Variants in COL21A1 observed in about 807,000 individuals in gnomAD.
The protein encoded by COL21A1 is collagen type XXI alpha 1 chain.
In COL21A1, 149 loss-of-function variants were observed where a neutral mutation model predicts 137.9. The ratio of observed to expected loss-of-function variants is 1.08; its 90% CI spans 0.95 to 1.24. The LOEUF (loss-of-function observed/expected upper bound fraction) is 1.24. COL21A1 is among the 50% of genes most tolerant of loss of function. The pLI is 0.00. For missense variants in COL21A1, 1,167 were observed against 1,158.4 expected, an observed-to-expected ratio of 1.01 and a Z score of -0.11; for synonymous variants, 456 against 391.5, an observed-to-expected ratio of 1.16 and a Z score of -1.95.
chr6:56,293,563 T>A (rs1764102969), intron 1 of COL21A1, among the ~76,000 whole-genome samples: 1 of 152,146 alleles, frequency 6.6e-6, no homozygotes, highest in Admixed American at 6.6e-5. Context: ...AATGTTAAAC[T>A]GTCATATAAA....
At position 56,057,617 on chromosome 6, in the gene COL21A1, A is replaced by C. The variant is rs1480517834; in HGVS notation, c.*40T>G. On this transcript the variant is annotated 3_prime_UTR_variant, in exon 30 of 30. Coordinates refer to ENST00000244728, the MANE Select transcript of COL21A1 (RefSeq NM_030820.4). ...TTCCTGAGATGCAAAAGACCACAGAAAAAGCACCATGCCTAGGCTGCTGAA... is the reference window on the plus strand; with the variant it reads ...TTCCTGAGATGCAAAAGACCACAGACAAAGCACCATGCCTAGGCTGCTGAA... 1 of 1,597,474 alleles carries C rather than the reference A, an allele frequency of 6.3e-7. No individual in the cohort carries two copies. Among genetic ancestry groups the C allele is most frequent in the Non-Finnish European group, 8.6e-7 (1 of 1,167,592 alleles).
rs1419297465 is a variant in COL21A1, at chr6:56,144,147, C to A, written c.1435-2164G>T. Among the ~76,000 whole-genome samples, 7 of 152,174 alleles carry A rather than the reference C, an allele frequency of 4.6e-5. No individual in the cohort carries two copies. In the East Asian group the frequency reaches 1.3e-3, roughly 29 times the overall value. On this transcript the variant is annotated intron_variant, in intron 10 of 29. Coordinates refer to ENST00000244728, the MANE Select transcript of COL21A1 (RefSeq NM_030820.4). ...CAGCTCTGTCACTGCTAGCAATGTACAAATATAGAATTCACTTTCCTCCTT... is the reference window on the plus strand; with the variant it reads ...CAGCTCTGTCACTGCTAGCAATGTAAAAATATAGAATTCACTTTCCTCCTT...
chr6:56,105,678 C>T (rs1188945397), intron 16 of COL21A1, among the ~76,000 whole-genome samples: 1 of 152,072 alleles, frequency 6.6e-6, no homozygotes, highest in Non-Finnish European at 1.5e-5. Context: ...AAGTTATTTA[C>T]TCTAGTTCTT....
chr6:56,065,516 C>A (rs555925292), intron 23 of COL21A1, among the ~76,000 whole-genome samples: 2 of 151,920 alleles, frequency 1.3e-5, no homozygotes, highest in Admixed American at 1.3e-4. Flanking sequence ...TATAATTAAA[C>A]ATCTGGGTTG....
chr6:56,142,513 G>A (rs1774492015), intron 10 of COL21A1, among the ~76,000 whole-genome samples: 1 of 152,102 alleles, frequency 6.6e-6, no homozygotes, highest in Non-Finnish European at 1.5e-5. Flanking sequence ...CCCAAAGCTG[G>A]GCTGTTTGCT....
At chr6:56,328,293 C>G (rs1174097231) in intron 1 of COL21A1, among the ~76,000 whole-genome samples, 1 of 152,068 alleles carries the variant, frequency 6.6e-6, no homozygotes, top group East Asian at 1.9e-4. Flanking sequence ...TGTCCTATCT[C>G]AAATTTGATA....
intron 29 of COL21A1, among the ~76,000 whole-genome samples, chr6:56,058,378 A>G (rs1765512184): frequency 6.6e-6 from 1 of 152,194 alleles, no homozygotes; most frequent in South Asian, 2.1e-4. Flanking sequence ...TGTCAAACAT[A>G]GCCTGATTAG....
chr6:56,073,193 T>G (rs1336285235), intron 20 of COL21A1, among the ~76,000 whole-genome samples: 3 of 151,414 alleles, frequency 2.0e-5, no homozygotes, highest in Non-Finnish European at 3.0e-5. Context: ...TGTGCACCAC[T>G]TAATAAGGGG....
chr6:56,368,620 AC>A, intron 1 of COL21A1, among the ~76,000 whole-genome samples: 1 of 151,924 alleles, frequency 6.6e-6, no homozygotes, highest in Non-Finnish European at 1.5e-5. Context: ...TCTTCTCCTC[AC>A]CCCCCTTAAA....
intron 1 of COL21A1, among the ~76,000 whole-genome samples, chr6:56,191,601 A>AAAG (rs1189370140): frequency 7.9e-5 from 12 of 151,320 alleles, no homozygotes; most frequent in South Asian, 2.1e-4. Flanking sequence ...CAAAAAAAAA[A>AAAG]AAAAAAATCC....
At chr6:56,311,757 G>T (rs1171014958) in intron 1 of COL21A1, among the ~76,000 whole-genome samples, 1 of 152,134 alleles carries the variant, frequency 6.6e-6, no homozygotes. Flanking sequence ...GCCTTGACAT[G>T]GTCACTCCCT....
rs753639254 is a variant in COL21A1 at position 56,170,730 on chromosome 6, A to G, written c.945T>C (p.Gly315=). 5.0e-5 allele frequency: 80 copies of G among 1,607,810 alleles called. No homozygotes were observed. The highest frequency in any genetic ancestry group is 6.3e-5 in the Non-Finnish European group (74 of 1,176,388). The part of the protein sequence containing the change: ...GRPQIAVTLN[G]VDKILLFTTT... ...TTGTAAATAATAAGATTTTGTCCAC[A>G]CCATTTAAGGTAACTGCTATTTGTG... The change falls in exon 5 of 30, where the codon GGT becomes GGC. Residue 315 remains glycine, a synonymous_variant. Transcript: ENST00000244728.
At chr6:56,330,828 T>C (rs575879843) in intron 1 of COL21A1, among the ~76,000 whole-genome samples, 1 of 152,130 alleles carries the variant, frequency 6.6e-6, no homozygotes, top group Admixed American at 6.6e-5. Context: ...AGTAATGGGA[T>C]TGCTGAATCA....
intron 1 of COL21A1, among the ~76,000 whole-genome samples, chr6:56,332,804 T>C (rs1765259971): frequency 6.6e-6 from 1 of 152,076 alleles, no homozygotes. Context: ...TTCTTAACCA[T>C]TTTTATTTCT....
intron 1 of COL21A1, among the ~76,000 whole-genome samples, chr6:56,281,446 C>A (rs962662817): frequency 1.3e-5 from 2 of 152,036 alleles, no homozygotes; most frequent in Non-Finnish European, 2.9e-5. Flanking sequence ...GGGCATCACC[C>A]CAACCACCAC....
chr6:56,113,035 T>C (rs1297225492), intron 16 of COL21A1, among the ~76,000 whole-genome samples: 1 of 152,198 alleles, frequency 6.6e-6, no homozygotes, highest in Non-Finnish European at 1.5e-5. Flanking sequence ...CCCATCCCAG[T>C]GGTCTGAACT....
At chr6:56,327,340 G>C (rs1202516720) in intron 1 of COL21A1, among the ~76,000 whole-genome samples, 1 of 151,622 alleles carries the variant, frequency 6.6e-6, no homozygotes, top group African/African-American at 2.4e-5. Flanking sequence ...AATAAAATAT[G>C]AAAATATCAA....
chr6:56,382,966 A>G (rs1253898643), intron 1 of COL21A1, among the ~76,000 whole-genome samples: 1 of 152,048 alleles, frequency 6.6e-6, no homozygotes, highest in Non-Finnish European at 1.5e-5. Context: ...CCATACCTCA[A>G]CAGTACTCAC....
intron 1 of COL21A1, among the ~76,000 whole-genome samples, chr6:56,388,577 G>T (rs1581801850): frequency 6.6e-6 from 1 of 152,172 alleles, no homozygotes; most frequent in African/African-American, 2.4e-5. Context: ...GTCCTCTTCT[G>T]CCCCCAGTGC....
Sources: gnomAD v4.1 joint callset for allele counts (sites outside exome capture counted in the v4.1 genomes callset) on GRCh38, gnomAD v4.1.1 for gene constraint, MANE v1.5 for transcripts, NCBI Gene and HGNC (gene_info 2026-07-23, HGNC 2026-07-21) for gene names.